The following CNBD1 variants were observed in gnomAD, a reference collection of about 807,000 sequenced individuals.
CNBD1 encodes cyclic nucleotide-binding domain-containing protein 1.
A neutral mutation model predicts 54.4 loss-of-function variants in CNBD1; 71 were observed. The observed-to-expected ratio is 1.30, with a 90% confidence interval of 1.08 to 1.59. CNBD1 has a LOEUF of 1.59. Among genes scored for constraint, CNBD1 ranks in the 40% most tolerant of loss-of-function variants. The pLI, the probability that CNBD1 is intolerant of heterozygous loss-of-function variation, is 0.00. For missense variants in CNBD1, 659 were observed against 518.0 expected (o/e 1.27, Z -2.64); for synonymous variants, 182 against 170.7 (o/e 1.07, Z -0.51).
At chr8:87,367,366 C>T (rs1235082152) in intron 10 of CNBD1, among the ~76,000 whole-genome samples, 4 of 151,996 alleles carry the variant, frequency 2.6e-5, no homozygotes, top group African/African-American at 4.8e-5. Flanking sequence ...TTGAAGATCC[C>T]CTCTTTCAGT....
intron 8 of CNBD1, among the ~76,000 whole-genome samples, chr8:87,315,621 G>A (rs1288418292): frequency 1.3e-5 from 2 of 151,886 alleles, no homozygotes; most frequent in Non-Finnish European, 2.9e-5. Flanking sequence ...TATTCATGAG[G>A]GGTCAGCCCT....
At chr8:87,282,669 C>T (rs1449163379) in intron 6 of CNBD1, among the ~76,000 whole-genome samples, 1 of 151,742 alleles carries the variant, frequency 6.6e-6, no homozygotes, top group East Asian at 1.9e-4. Context: ...ATTAGGGAGT[C>T]TGATGATATT....
rs553516704 is a variant in CNBD1 at position 87,426,234 on chromosome 8, G to T, written c.214-2312G>T. On this transcript the variant is annotated intron_variant, in intron 2 of 7. Coordinates refer to the CNBD1 transcript ENST00000521593. ...CCCGCTGTCTGGCACTCCCTAGTGA[G>T]ATGAACCCGGTACCTCAGATGGAAA... is the stretch of plus-strand genomic sequence containing the variant. Among the ~76,000 whole-genome samples the T allele has an allele frequency of 1.4e-3, 210 of 152,328 alleles. 1 individual carries two copies. Among genetic ancestry groups the T allele is most frequent in the African/African-American group, 4.5e-3 (189 of 41,586 alleles).
intron 8 of CNBD1, among the ~76,000 whole-genome samples, chr8:87,297,165 A>G (rs930057609): frequency 4.6e-5 from 3 of 65,050 alleles, no homozygotes; most frequent in African/African-American, 1.4e-4. Flanking sequence ...GTCCGTCTCA[A>G]AAAAAAAAAA....
At chr8:86,989,522 C>T (rs934660678) in intron 4 of CNBD1, among the ~76,000 whole-genome samples, 1 of 152,126 alleles carries the variant, frequency 6.6e-6, no homozygotes, top group Non-Finnish European at 1.5e-5. Flanking sequence ...ACGATCCTGG[C>T]TCACTGCAAC....
chr8:87,265,402 A>G (rs532837104), intron 6 of CNBD1, among the ~76,000 whole-genome samples: 1 of 152,246 alleles, frequency 6.6e-6, no homozygotes, highest in South Asian at 2.1e-4. Context: ...TGGTTACTGT[A>G]GCCTTGTAGT....
At chr8:87,123,206 A>G (rs909250322) in intron 4 of CNBD1, among the ~76,000 whole-genome samples, 2 of 151,852 alleles carry the variant, frequency 1.3e-5, no homozygotes, top group Non-Finnish European at 3.0e-5. Context: ...CAACAGTAGC[A>G]TAATATACCA....
chr8:87,220,653 A>G (rs909905006), intron 5 of CNBD1, among the ~76,000 whole-genome samples: 1 of 151,974 alleles, frequency 6.6e-6, no homozygotes, highest in Non-Finnish European at 1.5e-5. Flanking sequence ...ATTTCTGCAA[A>G]CACCACTTTT....
chr8:87,096,108 G>A (rs1019625593), intron 4 of CNBD1, among the ~76,000 whole-genome samples: 1 of 152,168 alleles, frequency 6.6e-6, no homozygotes, highest in Non-Finnish European at 1.5e-5. Flanking sequence ...CATGTACAGG[G>A]ACTATTTTGT....
At chr8:86,916,373 G>A (rs4960996) in intron 3 of CNBD1, among the ~76,000 whole-genome samples, 47,313 of 152,030 alleles carry the variant, frequency 0.31, 7,537 homozygotes, top group East Asian at 0.42. Flanking sequence ...TACTTCTGGG[G>A]TCTTGCATTC....
At chr8:86,951,417 C>T (rs1252470411) in intron 4 of CNBD1, among the ~76,000 whole-genome samples, 2 of 150,690 alleles carry the variant, frequency 1.3e-5, no homozygotes, top group African/African-American at 4.9e-5. Context: ...GGTGAAACTC[C>T]ATCTCTACTA....
At chr8:87,415,982 CA>C (rs957491539) in intron 2 of CNBD1, among the ~76,000 whole-genome samples, 3 of 151,106 alleles carry the variant, frequency 2.0e-5, no homozygotes, top group Non-Finnish European at 3.0e-5. Flanking sequence ...TGGACATTAA[CA>C]AAAAAAATTA....
intron 4 of CNBD1, among the ~76,000 whole-genome samples, chr8:86,994,264 G>A (rs1808819718): frequency 6.6e-6 from 1 of 152,200 alleles, no homozygotes; most frequent in Non-Finnish European, 1.5e-5. Context: ...GTGATACTAG[G>A]TCACTGGGAA....
chr8:87,341,200 G>A (rs963513124), intron 8 of CNBD1, among the ~76,000 whole-genome samples: 1 of 151,910 alleles, frequency 6.6e-6, no homozygotes, highest in African/African-American at 2.4e-5. Flanking sequence ...TCTCCCTAGT[G>A]TCTGCTTGTT....
intron 4 of CNBD1, among the ~76,000 whole-genome samples, chr8:87,063,208 A>G (rs758621791): frequency 1.1e-4 from 16 of 152,164 alleles, no homozygotes; most frequent in Non-Finnish European, 2.1e-4. Flanking sequence ...AGCTACAGAA[A>G]ATACATATAA....
chr8:87,342,039 C>T (rs549907377), intron 8 of CNBD1, among the ~76,000 whole-genome samples: 151 of 152,076 alleles, frequency 9.9e-4, no homozygotes, highest in African/African-American at 3.1e-3. Flanking sequence ...TTTGGGAGGC[C>T]GAGGCGGGCA....
chr8:87,152,093 T>G (rs1164413881), intron 4 of CNBD1, among the ~76,000 whole-genome samples: 3 of 151,642 alleles, frequency 2.0e-5, no homozygotes, highest in African/African-American at 4.8e-5. Flanking sequence ...TAAGAGAAAA[T>G]TGAAAGTGTT....
At chr8:87,194,448 T>C (rs1207902297) in intron 4 of CNBD1, among the ~76,000 whole-genome samples, 1 of 152,194 alleles carries the variant, frequency 6.6e-6, no homozygotes, top group Non-Finnish European at 1.5e-5. Context: ...GGCCCTAGGA[T>C]AGGTATTTTG....
At chr8:87,402,989 T>C (rs1272719421) in intron 2 of CNBD1, among the ~76,000 whole-genome samples, 1 of 152,108 alleles carries the variant, frequency 6.6e-6, no homozygotes, top group Non-Finnish European at 1.5e-5. Context: ...AAAGTATTTA[T>C]GTATTTTATC....
Sources: gnomAD v4.1 joint callset for allele counts (sites outside exome capture counted in the v4.1 genomes callset) on GRCh38, gnomAD v4.1.1 for gene constraint, MANE v1.5 for transcripts, NCBI Gene and HGNC (gene_info 2026-07-23, HGNC 2026-07-21) for gene names.